Variants in MCF2L observed in about 807,000 individuals in gnomAD.
MCF2L encodes the protein guanine nucleotide exchange factor DBS.
In MCF2L, 97 loss-of-function variants were observed where a neutral mutation model predicts 153.4. That is an observed-to-expected ratio of 0.63 (90% CI 0.54 to 0.75). MCF2L has a LOEUF of 0.75. MCF2L is among the 30% of genes least tolerant of loss of function. MCF2L has a pLI of 0.00. For synonymous variants in MCF2L, 659 were observed against 632.2 expected (o/e 1.04, Z -0.64); for missense variants, 1,347 against 1,495.2 (o/e 0.90, Z 1.64).
chr13:112,994,947 G>A (rs74115731), intron 1 of MCF2L, among the ~76,000 whole-genome samples: 106 of 152,364 alleles, frequency 7.0e-4, no homozygotes, highest in African/African-American at 2.0e-3. Context: ...CAACGCCTGC[G>A]TCCGTGTGCA....
chr13:113,024,576 C>A, intron 2 of MCF2L, 68 bp from the exon 3 acceptor site: 3 of 958,784 alleles, frequency 3.1e-6, no homozygotes, highest in East Asian at 2.4e-5. Context: ...TGAAAACGGG[C>A]CGACATCTGT....
At position 113,014,416 on chromosome 13, in the gene MCF2L, T is replaced by C. The variant is rs139259936; in HGVS notation, c.80-347T>C. 1.4e-3 allele frequency among the ~76,000 whole-genome samples: 218 copies of C among 152,066 alleles called. 2 individuals are homozygous for C. The highest frequency in any genetic ancestry group is 4.7e-3 in the African/African-American group (195 of 41,474). ...AATGTGGGTGGGACTCAGACCAAAG[T>C]GTATTTATCCGAGGAGCCAGGACCA... On this transcript the variant is annotated intron_variant, in intron 1 of 29. Coordinates refer to ENST00000535094, the MANE Select transcript of MCF2L (RefSeq NM_001112732.3).
upstream of MCF2L, chr13:112,968,642 C>T (rs146189548): frequency 3.3e-6 from 5 of 1,524,414 alleles, no homozygotes; most frequent in South Asian, 6.0e-5. Context: ...GGGTGGCATG[C>T]GGCCACACGG....
chr13:112,985,137 C>A (rs374166424), intron 1 of MCF2L: 104 of 284,006 alleles, frequency 3.7e-4, no homozygotes, highest in African/African-American at 2.2e-3. Context: ...AAGTTCCTCT[C>A]GGGCGGGCAC....
At position 113,045,351 on chromosome 13, in the gene MCF2L, T is replaced by A. The variant is rs202067893; in HGVS notation, c.359T>A (p.Leu120Gln). The change falls in exon 4 of 30, where the codon CTG becomes CAG. Residue 120 changes from leucine (L) to glutamine (Q), a missense_variant. Leu to Gln is a moderately radical substitution (Grantham distance 113). This residue lies in a region of MCF2L where 820 missense variants were observed against 921.2 expected (regional missense o/e 0.89). Coordinates refer to ENST00000535094, the MANE Select transcript of MCF2L (RefSeq NM_001112732.3). This position sits in a 1 kb window ranked among gnomAD's most constrained non-coding sequence, Gnocchi z 4.2. Reference protein sequence around the residue: ...DKWTSVKASVLRIAASFPANL... With the variant: ...DKWTSVKASVQRIAASFPANL... ...TGGACCTCCGTGAAGGCGTCCGTCC[T>A]GCGCATCGCAGTAAGTGCCACCCGG... 2.0e-5 allele frequency: 32 copies of A among 1,613,792 alleles called. No individual in the cohort carries two copies. Among genetic ancestry groups the A allele is most frequent in the Non-Finnish European group, 2.4e-5 (28 of 1,179,944 alleles).
intron 3 of MCF2L, among the ~76,000 whole-genome samples, chr13:113,036,099 C>T (rs1372482435): frequency 2.0e-5 from 3 of 152,164 alleles, no homozygotes; most frequent in African/African-American, 4.8e-5. Flanking sequence ...ATAGACAACA[C>T]TCGTGTCTAT....
At position 113,035,692 on chromosome 13, in the gene MCF2L, G is replaced by A. The variant is rs1012871359; in HGVS notation, c.279-9579G>A. 3.3e-5 allele frequency among the ~76,000 whole-genome samples: 5 copies of A among 152,208 alleles called. No homozygotes were observed. The highest frequency in any genetic ancestry group is 7.2e-5 in the African/African-American group (3 of 41,444). ...CTCCTGTGTTATCTGCCCTCCCCGCGAAGCTCCTTGGAGGATGGAGATTTT... is the reference window on the plus strand; with the variant it reads ...CTCCTGTGTTATCTGCCCTCCCCGCAAAGCTCCTTGGAGGATGGAGATTTT... On this transcript the variant is annotated intron_variant, in intron 3 of 29. Coordinates refer to ENST00000535094, the MANE Select transcript of MCF2L (RefSeq NM_001112732.3). The surrounding 1 kb of genome is among the most constrained non-coding windows in gnomAD (Gnocchi z 4.4).
intron 2 of MCF2L, chr13:112,957,902 A>G (rs1330681750): frequency 2.0e-5 from 3 of 152,204 alleles, no homozygotes; most frequent in Non-Finnish European, 4.4e-5. Context: ...TTTTTATTTT[A>G]TACTTAAAGA....
chr13:113,045,685 T>C lies in MCF2L; in HGVS notation c.369+324T>C. Reference sequence around the variant, plus strand: ...ACTGAATATGCCTCTTACATATTTATACATTAGTGATTTTCTCCTTTCCAA... The same window carrying C: ...ACTGAATATGCCTCTTACATATTTACACATTAGTGATTTTCTCCTTTCCAA... On this transcript the variant is annotated intron_variant, in intron 4 of 29. Transcript: ENST00000535094. The surrounding 1 kb of genome is among the most constrained non-coding windows in gnomAD (Gnocchi z 4.2). 5.4e-6 allele frequency: 2 copies of C among 368,786 alleles called. No individual in the cohort carries two copies. The highest frequency in any genetic ancestry group is 5.0e-6 in the Non-Finnish European group (1 of 198,182). 22.8% of individuals were successfully genotyped at this position (368,786 alleles called of 1,614,324 possible). A position where few individuals can be genotyped will look rare whatever the true frequency, so the allele number is the denominator to read the frequency against.
Position 112,974,260 on chromosome 13 carries a change from C to T in MCF2L, c.79+4802C>T, listed in dbSNP as rs529025504. Among the ~76,000 whole-genome samples, 21 of 152,328 alleles carry T rather than the reference C, an allele frequency of 1.4e-4. No individual in the cohort carries two copies. The East Asian group carries it at 2.1e-3, about 15-fold the overall frequency. ...TAGGGGCACCAGTTCCGCAAAGGCA[C>T]CCGGGCATGGCTAACCTCTGAGTCT... On this transcript the variant is annotated intron_variant, in intron 1 of 29. Transcript: ENST00000535094.
At chr13:113,017,226 G>A (rs1405870333) in intron 2 of MCF2L, among the ~76,000 whole-genome samples, 1 of 152,212 alleles carries the variant, frequency 6.6e-6, no homozygotes, top group Non-Finnish European at 1.5e-5. Flanking sequence ...CCCCTTTTGT[G>A]TCCTCATGAC....
intron 1 of MCF2L, among the ~76,000 whole-genome samples, chr13:112,997,068 G>A (rs751190452): frequency 1.3e-5 from 2 of 152,230 alleles, no homozygotes; most frequent in Non-Finnish European, 2.9e-5. Flanking sequence ...CCAGCTGAGC[G>A]GCTGCTTCCC....
intron 2 of MCF2L, among the ~76,000 whole-genome samples, chr13:113,018,779 A>C (rs1472003402): frequency 1.3e-5 from 2 of 152,236 alleles, no homozygotes; most frequent in Non-Finnish European, 2.9e-5. Context: ...GCTGAAATGG[A>C]GGCCCTGCCC....
chr13:112,918,841 C>T (rs1400239129), intron 2 of MCF2L, among the ~76,000 whole-genome samples: 1 of 152,182 alleles, frequency 6.6e-6, no homozygotes, highest in Admixed American at 6.5e-5. Flanking sequence ...CTTTCACGAG[C>T]GGGGTCCCAT....
At chr13:112,898,499 G>T (rs886789071) in intron 1 of MCF2L, among the ~76,000 whole-genome samples, 1 of 152,108 alleles carries the variant, frequency 6.6e-6, no homozygotes, top group African/African-American at 2.4e-5. Flanking sequence ...CTGGCCACTC[G>T]CAGCCTCCCT....
chr13:113,023,996 A>G (rs2085068994), intron 2 of MCF2L, among the ~76,000 whole-genome samples: 1 of 152,224 alleles, frequency 6.6e-6, no homozygotes, highest in Non-Finnish European at 1.5e-5. Context: ...ACAGATCGCA[A>G]GGCCAGACCC....
chr13:112,979,533 C>T, intron 1 of MCF2L: 3 of 1,502,546 alleles, frequency 2.0e-6, no homozygotes, highest in Non-Finnish European at 2.7e-6. Flanking sequence ...GACCATGCGG[C>T]ACCCGCCCGG....
At chr13:113,033,411 TGGCGTG>T (rs1324246855) in intron 3 of MCF2L, among the ~76,000 whole-genome samples, 5 of 126,380 alleles carry the variant, frequency 4.0e-5, no homozygotes, top group Admixed American at 7.9e-5. Flanking sequence ...GTGGACCCCG[TGGCGTG>T]AGTGGCCCCC....
At position 113,028,932 on chromosome 13, in the gene MCF2L, G is replaced by A. The variant is rs926799727; in HGVS notation, c.278+4174G>A. Among the ~76,000 whole-genome samples the A allele has an allele frequency of 1.3e-5, 2 of 150,924 alleles. No individual in the cohort carries two copies. Among genetic ancestry groups the A allele is most frequent in the South Asian group, 4.2e-4 (2 of 4,750 alleles). ...ATGTGGCATGTGTGGGGTAAGTGGT[G>A]TGTGTGGTATGTGTGGACTATGTGA... On this transcript the variant is annotated intron_variant, in intron 3 of 29. Transcript: ENST00000535094. This position sits in a 1 kb window ranked among gnomAD's most constrained non-coding sequence, Gnocchi z 5.4.
Sources: allele counts gnomAD v4.1 joint callset (sites outside exome capture counted in the v4.1 genomes callset), GRCh38; gene constraint gnomAD v4.1.1; regional missense constraint gnomAD v4.1.1; non-coding constraint Gnocchi (gnomAD v3.1); transcripts MANE v1.5; gene names NCBI Gene and HGNC (gene_info 2026-07-23, HGNC 2026-07-21).